Variants in CSNK1G1 observed in about 807,000 individuals in gnomAD.
The protein encoded by CSNK1G1 is casein kinase 1 gamma 1, also known as casein kinase I isoform gamma-1.
In CSNK1G1, 22 loss-of-function variants were observed where a neutral mutation model predicts 59.6. The ratio of observed to expected loss-of-function variants is 0.37; its 90% CI spans 0.26 to 0.53. The LOEUF (loss-of-function observed/expected upper bound fraction) is 0.53, where lower values mean the gene tolerates loss of function less well. Ranked by LOEUF, CSNK1G1 falls within the 20% of genes least tolerant of loss-of-function variation. CSNK1G1 has a pLI of 0.89. For missense variants in CSNK1G1, 384 were observed against 519.5 expected, an observed-to-expected ratio of 0.74 and a Z score of 2.54; for synonymous variants, 179 against 177.1, an observed-to-expected ratio of 1.01 and a Z score of -0.08.
intron 2 of CSNK1G1, among the ~76,000 whole-genome samples, chr15:64,270,103 T>C (rs1204854273): frequency 6.6e-6 from 1 of 152,218 alleles, no homozygotes; most frequent in Admixed American, 6.5e-5. Context: ...CCACCACACC[T>C]GGCCTCTGAT....
intron 3 of CSNK1G1, among the ~76,000 whole-genome samples, chr15:64,252,559 TTATG>T (rs888769341): frequency 2.0e-5 from 3 of 152,192 alleles, no homozygotes; most frequent in African/African-American, 7.2e-5. Context: ...GGATATGTAT[TTATG>T]TATGTATGTA....
intron 2 of CSNK1G1, among the ~76,000 whole-genome samples, chr15:64,290,419 G>C (rs114279196): frequency 3.3e-5 from 5 of 151,660 alleles, no homozygotes; most frequent in South Asian, 2.1e-4. Flanking sequence ...AAAATTTCAC[G>C]TTTTTTGCAG....
intron 4 of CSNK1G1, among the ~76,000 whole-genome samples, chr15:64,221,259 G>C (rs1380504017): frequency 6.6e-6 from 1 of 152,058 alleles, no homozygotes; most frequent in Non-Finnish European, 1.5e-5. Context: ...TCCTACACTT[G>C]TTGCCAATAC....
chr15:64,193,273 CA>C (rs1344879752), intron 10 of CSNK1G1, among the ~76,000 whole-genome samples: 1 of 151,932 alleles, frequency 6.6e-6, no homozygotes, highest in Non-Finnish European at 1.5e-5. Context: ...GGGTGGATCA[CA>C]AGGTCAGAAG....
At chr15:64,345,253 T>G (rs1192498369) in intron 1 of CSNK1G1, among the ~76,000 whole-genome samples, 1 of 152,218 alleles carries the variant, frequency 6.6e-6, no homozygotes, top group Admixed American at 6.5e-5. Context: ...AGCATTCTAT[T>G]ACTTTTAGAA....
chr15:64,338,035 T>A (rs1897482263), intron 1 of CSNK1G1, among the ~76,000 whole-genome samples: 1 of 152,242 alleles, frequency 6.6e-6, no homozygotes, highest in Non-Finnish European at 1.5e-5. Flanking sequence ...AGGCGCTTGG[T>A]TGGCTATTAT....
chr15:64,341,476 G>A (rs1897677598), intron 1 of CSNK1G1, among the ~76,000 whole-genome samples: 1 of 152,086 alleles, frequency 6.6e-6, no homozygotes, highest in Non-Finnish European at 1.5e-5. Context: ...TCTTCTGTTG[G>A]TTGGTTGGTT....
intron 1 of CSNK1G1, among the ~76,000 whole-genome samples, chr15:64,303,734 G>A (rs1426485732): frequency 6.9e-6 from 1 of 145,108 alleles, no homozygotes; most frequent in East Asian, 2.1e-4. Context: ...TGGGCGACAA[G>A]AGCAAAACCC....
Position 64,335,034 on chromosome 15 carries a change from T to C in CSNK1G1, c.-225+20954A>G, listed in dbSNP as rs566674998. Among the ~76,000 whole-genome samples, 260 of 152,350 alleles carry C rather than the reference T, an allele frequency of 1.7e-3. 1 individual carries two copies. Among genetic ancestry groups the C allele is most frequent in the African/African-American group, 6.0e-3 (251 of 41,576 alleles). ...AGAGTTACTACAAAGATTCAGATTA[T>C]TGACTTATTTTGCAAGTACTGCTCA... On this transcript the variant is annotated intron_variant, in intron 1 of 11. Coordinates refer to ENST00000303052, the MANE Select transcript of CSNK1G1 (RefSeq NM_022048.5).
chr15:64,349,165 C>T lies in CSNK1G1; in HGVS notation c.-225+6823G>A, dbSNP rs547867763. On this transcript the variant is annotated intron_variant, in intron 1 of 11. Coordinates refer to ENST00000303052, the MANE Select transcript of CSNK1G1 (RefSeq NM_022048.5). ...AAAAAAAAAAAAAAAAGTATCAAGA[C>T]AGAAGAAAATGTATAACTTTCATTC... is the stretch of plus-strand genomic sequence containing the variant. Among the ~76,000 whole-genome samples the T allele has an allele frequency of 1.5e-4, 23 of 149,906 alleles. No individual in the cohort carries two copies. In the South Asian group the frequency reaches 4.9e-3, roughly 32 times the overall value.
chr15:64,220,536 GCCC>G (rs757121923), intron 4 of CSNK1G1, among the ~76,000 whole-genome samples: 59 of 150,076 alleles, frequency 3.9e-4, no homozygotes, highest in Admixed American at 1.1e-3. Context: ...TTGCTCTGCT[GCCC>G]AGGCTGGAGT....
At chr15:64,237,984 C>T (rs1162550662) in intron 4 of CSNK1G1, among the ~76,000 whole-genome samples, 1 of 152,172 alleles carries the variant, frequency 6.6e-6, no homozygotes, top group Admixed American at 6.5e-5. Flanking sequence ...ATGGCACATG[C>T]ATTCAACATC....
In CSNK1G1 at chr15:64,214,587, T is replaced by C. The variant is rs945957805; in HGVS notation, c.445-463A>G. ...GACTACCCAACCCAGTTTTCGATGTTGTGAGGCCCAGAGAAGTTAATACTG... is the reference window on the plus strand; with the variant it reads ...GACTACCCAACCCAGTTTTCGATGTCGTGAGGCCCAGAGAAGTTAATACTG... On this transcript the variant is annotated intron_variant, in intron 5 of 11. Transcript: ENST00000303052. The surrounding 1 kb of genome is among the most constrained non-coding windows in gnomAD (Gnocchi z 4.3). Among the ~76,000 whole-genome samples, 3 of 152,224 alleles carry C rather than the reference T, an allele frequency of 2.0e-5. No homozygotes were observed. Among genetic ancestry groups the C allele is most frequent in the African/African-American group, 7.2e-5 (3 of 41,444 alleles).
At chr15:64,353,094 AAAAAG>A (rs992870921) in intron 1 of CSNK1G1, among the ~76,000 whole-genome samples, 7 of 152,110 alleles carry the variant, frequency 4.6e-5, no homozygotes, top group South Asian at 2.1e-4. Flanking sequence ...GTCTTTAAAA[AAAAAG>A]AAAAGAAAAT....
At chr15:64,236,946 T>C (rs1211264984) in intron 4 of CSNK1G1, among the ~76,000 whole-genome samples, 1 of 152,054 alleles carries the variant, frequency 6.6e-6, no homozygotes. Flanking sequence ...CATAATAGAG[T>C]AATATTTAGC....
At chr15:64,289,919 G>A (rs1221301301) in intron 2 of CSNK1G1, among the ~76,000 whole-genome samples, 2 of 152,056 alleles carry the variant, frequency 1.3e-5, no homozygotes, top group Non-Finnish European at 2.9e-5. Flanking sequence ...CTAATCAGCA[G>A]AGAGATGCAA....
chr15:64,285,454 C>CA (rs1042436106), intron 2 of CSNK1G1, among the ~76,000 whole-genome samples: 1 of 151,866 alleles, frequency 6.6e-6, no homozygotes, highest in Admixed American at 6.6e-5. Flanking sequence ...TGTTCAAATC[C>CA]AAAAAAACTG....
At chr15:64,258,872 A>G (rs540277031) in intron 3 of CSNK1G1, among the ~76,000 whole-genome samples, 1 of 152,236 alleles carries the variant, frequency 6.6e-6, no homozygotes, top group East Asian at 1.9e-4. Flanking sequence ...AAAACAGTAA[A>G]ATTTTTGAAT....
intron 2 of CSNK1G1, among the ~76,000 whole-genome samples, chr15:64,268,117 A>G (rs999795496): frequency 6.6e-6 from 1 of 152,222 alleles, no homozygotes; most frequent in African/African-American, 2.4e-5. Context: ...TGAAAAGAAA[A>G]TGTACATATA....
Sources: allele counts gnomAD v4.1 joint callset (sites outside exome capture counted in the v4.1 genomes callset), GRCh38; gene constraint gnomAD v4.1.1; non-coding constraint Gnocchi (gnomAD v3.1); transcripts MANE v1.5; gene names NCBI Gene and HGNC (gene_info 2026-07-23, HGNC 2026-07-21).